The following DNAH11 variants were observed in gnomAD, a reference collection of about 807,000 sequenced individuals.
DNAH11 encodes the protein axonemal beta dynein heavy chain 11.
DNAH11 carries 442 observed loss-of-function variants against 526.0 expected under a neutral mutation model. The ratio of observed to expected loss-of-function variants is 0.84; its 90% CI spans 0.78 to 0.91. DNAH11 has a LOEUF of 0.91. Ranked by LOEUF, DNAH11 falls within the 40% of genes least tolerant of loss-of-function variation. DNAH11 has a pLI of 0.00. For synonymous variants in DNAH11, 2,461 were observed against 1,935.9 expected (o/e 1.27, Z -7.12); for missense variants, 6,989 against 5,448.7 (o/e 1.28, Z -8.90).
chr7:21,838,218 C>T (rs575987541), intron 65 of DNAH11, among the ~76,000 whole-genome samples: 1 of 152,154 alleles, frequency 6.6e-6, no homozygotes, highest in Non-Finnish European at 1.5e-5. Flanking sequence ...GAAAGATGTC[C>T]TTATCAAACA....
At chr7:21,697,225 A>T (rs1030080760) in intron 35 of DNAH11, among the ~76,000 whole-genome samples, 6 of 152,000 alleles carry the variant, frequency 3.9e-5, no homozygotes, top group Non-Finnish European at 8.8e-5. Flanking sequence ...GTTGAGTGGA[A>T]TTTTTTCAAA....
At chr7:21,809,504 T>G (rs1044134147) in intron 63 of DNAH11, among the ~76,000 whole-genome samples, 1 of 152,182 alleles carries the variant, frequency 6.6e-6, no homozygotes, top group Non-Finnish European at 1.5e-5. Context: ...GGTCTTATAT[T>G]TAAGTCTTTA....
intron 63 of DNAH11, among the ~76,000 whole-genome samples, chr7:21,815,687 T>G (rs1255810352): frequency 6.6e-6 from 1 of 152,152 alleles, no homozygotes; most frequent in Non-Finnish European, 1.5e-5. Flanking sequence ...AGACAGTGTT[T>G]CATGTACGTA....
Position 21,843,900 on chromosome 7 carries a change from G to C in DNAH11, c.10896+1152G>C, listed in dbSNP as rs1782313579. ...TAGTGTGTCTCAAAAATTTAAATGA[G>C]ATACATTAAGAATTAAAACAAGGAT... is the stretch of plus-strand genomic sequence containing the variant. On this transcript the variant is annotated intron_variant, in intron 66 of 81. Transcript: ENST00000409508. 2.6e-5 allele frequency among the ~76,000 whole-genome samples: 4 copies of C among 152,184 alleles called. No homozygotes were observed. In the South Asian group the frequency reaches 8.3e-4, roughly 31 times the overall value.
Position 21,543,434 on chromosome 7 carries a change from C to T in DNAH11, c.189C>T (p.Gly63=), listed in dbSNP as rs749678146. 7 of 1,558,298 alleles carry T rather than the reference C, an allele frequency of 4.5e-6. No individual in the cohort carries two copies. The change falls in exon 1 of 82, where the codon GGC becomes GGT. Residue 63 remains glycine (G), a synonymous_variant. Transcript: ENST00000409508. ...AAGACGCGCGGGTGCGCTTCCTCGG[C>T]GGCCGCCTGGCGATGATGCTGGGGT... ...FAQDARVRFL[G]GRLAMMLGFT... is the part of the protein sequence containing the mutation.
At chr7:21,900,801 G>A (rs559844955) in intron 81 of DNAH11, 207 of 623,886 alleles carry the variant, frequency 3.3e-4, no homozygotes, top group African/African-American at 1.0e-3. Flanking sequence ...TAACCACTAC[G>A]CATGGAAGCA....
intron 28 of DNAH11, among the ~76,000 whole-genome samples, chr7:21,645,023 A>G (rs935310846): frequency 6.6e-6 from 1 of 152,224 alleles, no homozygotes. Flanking sequence ...ATTGTATTCT[A>G]TTGTAGCCCC....
intron 2 of DNAH11, among the ~76,000 whole-genome samples, chr7:21,558,054 G>A (rs1783291126): frequency 6.6e-6 from 1 of 152,128 alleles, no homozygotes; most frequent in African/African-American, 2.4e-5. Context: ...CTCTAAAAAG[G>A]TAGAATAAAC....
chr7:21,605,000 C>G (rs1272564371), intron 18 of DNAH11, among the ~76,000 whole-genome samples: 1 of 152,170 alleles, frequency 6.6e-6, no homozygotes, highest in African/African-American at 2.4e-5. Context: ...AAATTGTCTC[C>G]CAACTGTTTT....
chr7:21,778,640 G>A (rs536079955), intron 56 of DNAH11, among the ~76,000 whole-genome samples: 37 of 152,306 alleles, frequency 2.4e-4, no homozygotes, highest in Admixed American at 2.0e-3. Flanking sequence ...AGCTGCCTAG[G>A]ACCCAAAAGC....
intron 54 of DNAH11, among the ~76,000 whole-genome samples, chr7:21,757,910 T>A (rs1360402434): frequency 6.6e-6 from 1 of 152,152 alleles, no homozygotes; most frequent in Non-Finnish European, 1.5e-5. Flanking sequence ...CAGTGGAAAA[T>A]CAGATATCGC....
chr7:21,778,753 T>C (rs1474755961), intron 56 of DNAH11, among the ~76,000 whole-genome samples: 5 of 152,152 alleles, frequency 3.3e-5, no homozygotes, highest in Non-Finnish European at 5.9e-5. Flanking sequence ...GCAAAATCAT[T>C]GGAAAATATT....
intron 29 of DNAH11, among the ~76,000 whole-genome samples, 169 bp downstream of exon 29, chr7:21,656,150 G>C (rs906105781): frequency 6.6e-6 from 1 of 152,142 alleles, no homozygotes; most frequent in African/African-American, 2.4e-5. Flanking sequence ...GGGCTCTTCT[G>C]CCATGCGTCC....
chr7:21,659,974 CT>C (rs1488155766), intron 30 of DNAH11, among the ~76,000 whole-genome samples: 2 of 152,004 alleles, frequency 1.3e-5, no homozygotes, highest in African/African-American at 4.8e-5. Context: ...GTACCACTTA[CT>C]TTTGGGGAAA....
intron 23 of DNAH11, 48 bp downstream of exon 23, chr7:21,617,825 G>C (rs1286095086): frequency 6.7e-7 from 1 of 1,491,052 alleles, no homozygotes; most frequent in Non-Finnish European, 8.9e-7. Context: ...ACTGTGAAGT[G>C]TTACTTCTTG....
At chr7:21,773,330 C>G (rs1205574848) in intron 55 of DNAH11, among the ~76,000 whole-genome samples, 1 of 143,378 alleles carries the variant, frequency 7.0e-6, no homozygotes, top group Non-Finnish European at 1.5e-5. Flanking sequence ...CTGTGAGTTT[C>G]TAAGTTTTGG....
At chr7:21,644,604 T>C (rs150684136) in intron 28 of DNAH11, among the ~76,000 whole-genome samples, 63 of 152,220 alleles carry the variant, frequency 4.1e-4, no homozygotes, top group African/African-American at 1.3e-3. Context: ...GAAGAAGGAA[T>C]GAGAAAGAAG....
At chr7:21,780,033 T>C (rs1787870827) in intron 57 of DNAH11, among the ~76,000 whole-genome samples, 1 of 152,180 alleles carries the variant, frequency 6.6e-6, no homozygotes, top group African/African-American at 2.4e-5. Context: ...TTCTTTTTTT[T>C]TTTCCAATGC....
At chr7:21,612,554 C>CAAAAAAAAAAAAAAAAAAA (rs34356379) in intron 20 of DNAH11, among the ~76,000 whole-genome samples, 22 of 81,226 alleles carry the variant, frequency 2.7e-4, no homozygotes, top group East Asian at 2.0e-3. Context: ...GGCTCCGTCT[C>CAAAAAAAAAAAAAAAAAAA]AAAAAAAAAA....
Sources: allele counts gnomAD v4.1 joint callset (sites outside exome capture counted in the v4.1 genomes callset), GRCh38; gene constraint gnomAD v4.1.1; transcripts MANE v1.5; gene names NCBI Gene and HGNC (gene_info 2026-07-23, HGNC 2026-07-21).